The following CCDC33 variants were observed in gnomAD, a reference collection of about 807,000 sequenced individuals.
CCDC33 encodes the protein coiled-coil domain-containing protein 33.
Under a neutral mutation model 91.9 loss-of-function variants are expected in CCDC33, and 94 were observed. The observed-to-expected ratio is 1.02, with a 90% CI of 0.87 to 1.21. CCDC33 has a LOEUF of 1.21. Among genes scored for constraint, CCDC33 ranks in the 50% most tolerant of loss-of-function variants. The pLI is 0.00. For synonymous variants in CCDC33, 396 were observed against 374.5 expected, an observed-to-expected ratio of 1.06 and a Z score of -0.66; for missense variants, 940 against 935.5, an observed-to-expected ratio of 1.00 and a Z score of -0.06.
intron 1 of CCDC33, among the ~76,000 whole-genome samples, chr15:74,239,234 G>T (rs1399952957): frequency 6.6e-6 from 1 of 152,148 alleles, no homozygotes; most frequent in Non-Finnish European, 1.5e-5. Flanking sequence ...GCTGCTGGAG[G>T]ATAGGGAGGA....
chr15:74,246,962 TG>T (rs1160954178), intron 2 of CCDC33, among the ~76,000 whole-genome samples: 1 of 151,358 alleles, frequency 6.6e-6, no homozygotes, highest in Non-Finnish European at 1.5e-5. Context: ...CTGGCCAATA[TG>T]GTGAAACCCC....
At chr15:74,312,719 C>T (rs1011770153) in intron 11 of CCDC33, among the ~76,000 whole-genome samples, 2 of 152,170 alleles carry the variant, frequency 1.3e-5, no homozygotes, top group African/African-American at 4.8e-5. Flanking sequence ...TAGGGGCTTC[C>T]TGGGCAGGCT....
chr15:74,315,367 C>A (rs1250724995), intron 11 of CCDC33, among the ~76,000 whole-genome samples: 1 of 152,130 alleles, frequency 6.6e-6, no homozygotes, highest in Admixed American at 6.5e-5. Flanking sequence ...AGGCCAAGGC[C>A]AGTTGAGGAC....
intron 2 of CCDC33, among the ~76,000 whole-genome samples, chr15:74,260,735 T>A (rs957997947): frequency 6.6e-6 from 1 of 152,126 alleles, no homozygotes; most frequent in Non-Finnish European, 1.5e-5. Context: ...CAGCCAGACA[T>A]TCCCAATTGT....
In CCDC33 at chr15:74,335,024, C is replaced by T. The variant is rs777345155; in HGVS notation, c.2075C>T (p.Thr692Ile). Residue 692 changes from threonine to isoleucine, a missense_variant, in exon 18 of 19, where the codon ACA (threonine) becomes ATA (isoleucine). Transcript: ENST00000398814. ...GGACGAGAGAAGCAGGATCTGGCCA[C>T]ACGGCTGCAGGAGCAAGAAAAAGGT... ...RWGREKQDLA[T>I]RLQEQEKGFR... 15 of 1,614,006 alleles carry T rather than the reference C, an allele frequency of 9.3e-6. No homozygotes were observed. In the South Asian group the frequency reaches 1.6e-4, roughly 18 times the overall value.
chr15:74,306,735 A>G (rs1412224484), intron 11 of CCDC33, among the ~76,000 whole-genome samples: 1 of 152,172 alleles, frequency 6.6e-6, no homozygotes, highest in African/African-American at 2.4e-5. Context: ...GGACTAGAGG[A>G]CTGGTCAAGT....
upstream of CCDC33, among the ~76,000 whole-genome samples, chr15:74,231,501 A>G (rs1447130767): frequency 6.6e-6 from 1 of 152,160 alleles, no homozygotes; most frequent in South Asian, 2.1e-4. Context: ...AGGTGTTTTC[A>G]TCTCTGGTCT....
chr15:74,225,008 A>G (rs905473310), intron 2 of CCDC33, among the ~76,000 whole-genome samples: 3 of 152,066 alleles, frequency 2.0e-5, no homozygotes, highest in African/African-American at 7.2e-5. Context: ...AAGAGCCTCC[A>G]TTAGCAGATT....
chr15:74,333,007 T>C, intron 16 of CCDC33, 162 bp downstream of exon 16: 1 of 843,548 alleles, frequency 1.2e-6, no homozygotes, highest in Non-Finnish European at 1.8e-6. Context: ...TTGGTCTTTT[T>C]CTCCTGCGGA....
rs2059372717 is a variant in CCDC33 at position 74,281,861 on chromosome 15, G to C, written c.1095+12G>C. 6.2e-7 allele frequency: 1 copy of C among 1,612,160 alleles called. No individual in the cohort carries two copies. Among genetic ancestry groups the C allele is most frequent in the African/African-American group, 1.3e-5 (1 of 74,916 alleles). On this transcript the variant is annotated intron_variant, in intron 10 of 18. Coordinates refer to ENST00000398814, the MANE Select transcript of CCDC33 (RefSeq NM_025055.5). Reference sequence around the variant, plus strand: ...TGCTTTCCTCTGAGGTAAGGCTGTGGGCCAGGGGAGGGTCAGGGCCAGCAG... The same window carrying C: ...TGCTTTCCTCTGAGGTAAGGCTGTGCGCCAGGGGAGGGTCAGGGCCAGCAG...
chr15:74,232,851 C>A (rs1350472063), upstream of CCDC33, among the ~76,000 whole-genome samples: 1 of 151,938 alleles, frequency 6.6e-6, no homozygotes, highest in African/African-American at 2.4e-5. Flanking sequence ...TTCTCCCCCA[C>A]TGGAATGGGC....
chr15:74,290,869 G>A (rs2059572308), intron 10 of CCDC33, among the ~76,000 whole-genome samples: 1 of 152,176 alleles, frequency 6.6e-6, no homozygotes, highest in Non-Finnish European at 1.5e-5. Context: ...GTCTGCATGA[G>A]AATAGGGGAA....
chr15:74,258,215 G>A (rs538625689), intron 2 of CCDC33, among the ~76,000 whole-genome samples: 18 of 152,172 alleles, frequency 1.2e-4, no homozygotes, highest in African/African-American at 1.9e-4. Flanking sequence ...GTGCCTGCCT[G>A]ACTTCCCCAG....
At chr15:74,329,267 G>C (rs970485271) in intron 11 of CCDC33, among the ~76,000 whole-genome samples, 1 of 151,994 alleles carries the variant, frequency 6.6e-6, no homozygotes, top group East Asian at 1.9e-4. Flanking sequence ...ACTTCTCAGC[G>C]TATTGTGAAG....
chr15:74,296,867 T>C (rs921062438), intron 11 of CCDC33, among the ~76,000 whole-genome samples: 2 of 152,174 alleles, frequency 1.3e-5, no homozygotes, highest in African/African-American at 4.8e-5. Flanking sequence ...TGCTACCCAG[T>C]AACCATGGCT....
chr15:74,315,274 T>G (rs1014518911), intron 11 of CCDC33, among the ~76,000 whole-genome samples: 14 of 152,252 alleles, frequency 9.2e-5, no homozygotes, highest in Admixed American at 2.6e-4. Context: ...CCACCCTGAG[T>G]TCAGCTGAGC....
At chr15:74,266,835 C>A in intron 4 of CCDC33, 48 bp downstream of exon 4, 2 of 1,360,190 alleles carry the variant, frequency 1.5e-6, no homozygotes, top group Non-Finnish European at 2.1e-6. Context: ...TGGGAACCAC[C>A]TTGAATGTCC....
At chr15:74,270,806 T>C (rs2076293463) in intron 5 of CCDC33, among the ~76,000 whole-genome samples, 1 of 151,914 alleles carries the variant, frequency 6.6e-6, no homozygotes, top group Non-Finnish European at 1.5e-5. Context: ...TCAGTGAGGG[T>C]TGGAGCAAGG....
intron 2 of CCDC33, among the ~76,000 whole-genome samples, chr15:74,211,352 C>T (rs2074366018): frequency 6.6e-6 from 1 of 151,840 alleles, no homozygotes; most frequent in South Asian, 2.1e-4. Flanking sequence ...CAGCAGAACC[C>T]CTGCCTACTG....
Sources: gnomAD v4.1 joint callset for allele counts (sites outside exome capture counted in the v4.1 genomes callset) on GRCh38, gnomAD v4.1.1 for gene constraint, MANE v1.5 for transcripts, NCBI Gene and HGNC (gene_info 2026-07-23, HGNC 2026-07-21) for gene names.